The following PIGZ variants were observed in gnomAD, a reference collection of about 807,000 sequenced individuals.
PIGZ encodes phosphatidylinositol glycan anchor biosynthesis class Z (Gwada blood group), also known as GPI alpha-1,2-mannosyltransferase 4.
In PIGZ, 16 loss-of-function variants were observed where a neutral mutation model predicts 16.4. The ratio of observed to expected loss-of-function variants is 0.97; its 90% CI spans 0.66 to 1.48. PIGZ has a LOEUF of 1.48. Among genes scored for constraint, PIGZ ranks in the 40% most tolerant of loss-of-function variants. The probability of loss-of-function intolerance (pLI) is 0.00; values close to 1 mark genes in which losing one functional copy is unlikely to be tolerated. For missense variants in PIGZ, 770 were observed against 739.2 expected, an observed-to-expected ratio of 1.04 and a Z score of -0.48; for synonymous variants, 409 against 338.4, an observed-to-expected ratio of 1.21 and a Z score of -2.29.
chr3:196,952,823 A>T (rs1211466392), intron 1 of PIGZ, among the ~76,000 whole-genome samples: 1 of 152,086 alleles, frequency 6.6e-6, no homozygotes, highest in South Asian at 2.1e-4. Flanking sequence ...TCTGAATAAA[A>T]CAGAAAGGTG....
chr3:196,947,932 C>T lies in PIGZ; in HGVS notation c.965G>A (p.Gly322Asp), dbSNP rs1332532763. The T allele has an allele frequency of 6.2e-6, 10 of 1,613,688 alleles. No individual in the cohort carries two copies. Among genetic ancestry groups the T allele is most frequent in the Non-Finnish European group, 8.5e-6 (10 of 1,179,816 alleles). ...ATGCAGCACCCCGAAGAGCAGGAAG[C>T]CGTTGACTGCCAGGTGAGTGAGCCG... is the stretch of plus-strand genomic sequence containing the variant. Reference protein sequence around the residue: ...HARLTHLAVNGFLLFGVLHAQ... With the variant: ...HARLTHLAVNDFLLFGVLHAQ... Residue 322 changes from glycine to aspartate, a missense_variant, in exon 3 of 3, where the codon GGC (glycine) becomes GAC (aspartate). Gly to Asp is a moderately conservative substitution (Grantham distance 94). Transcript: ENST00000412723.
chr3:196,951,855 T>C lies in PIGZ; in HGVS notation c.177A>G (p.Pro59=), dbSNP rs1717297447. Residue 59 remains proline, a synonymous_variant, in exon 2 of 3, where the codon CCA becomes CCG. Transcript: ENST00000412723. ...CCTCAGGGGACTGGAAGAACTCATC[T>C]GGGTGCACATAGCCCGTCTGCGGAA... ...CLLPQTGYVH[P]DEFFQSPEVM... The C allele has an allele frequency of 6.2e-7, 1 of 1,614,210 alleles. No individual in the cohort carries two copies. The highest frequency in any genetic ancestry group is 8.5e-7 in the Non-Finnish European group (1 of 1,180,040).
At chr3:196,964,031 CTTTTAT>C (rs1433120965) in intron 1 of PIGZ, among the ~76,000 whole-genome samples, 2 of 141,570 alleles carry the variant, frequency 1.4e-5, no homozygotes, top group Non-Finnish European at 3.0e-5. Flanking sequence ...TATTTGTTTG[CTTTTAT>C]TTTTATTTTT....
At position 196,947,585 on chromosome 3, in the gene PIGZ, C is replaced by CA; in HGVS notation, c.1311dup (p.Gly438TrpfsTer54). The CA allele has an allele frequency of 6.2e-7, 1 of 1,613,772 alleles. No individual in the cohort carries two copies. Among genetic ancestry groups the CA allele is most frequent in the South Asian group, 1.1e-5 (1 of 91,058 alleles). ...ACCACCTGCTCCAGGTACTCCAGGC[C>CA]AGGCACCAGGCCCCCCTGATGCAGG... On this transcript the variant is annotated frameshift_variant, in exon 3 of 3. Transcript: ENST00000412723. LOFTEE classifies it high-confidence loss of function.
intron 2 of PIGZ, among the ~76,000 whole-genome samples, chr3:196,950,370 C>T (rs1419509179): frequency 8.5e-5 from 13 of 152,242 alleles, no homozygotes; most frequent in Admixed American, 7.8e-4. Flanking sequence ...TTCTGTAACC[C>T]TGTGCCCCAA....
rs1717032209 is a variant in PIGZ at position 196,948,398 on chromosome 3, CG to C, written c.498del (p.Tyr166Ter). 3 of 1,614,104 alleles carry C rather than the reference CG, an allele frequency of 1.9e-6. No homozygotes were observed. In the East Asian group the frequency reaches 6.7e-5, roughly 36 times the overall value. Reference protein sequence around the residue: ...WNALALLSGSYVTLVFYTRTF... With the variant: ...WNALALLSGSXVTLVFYTRTF... ...GTCCTTGTGTAGAAGACCAGGGTGA[CG>C]TAGGAACCAGACAGCAGGGCCAGGG... On this transcript the variant is annotated frameshift_variant, in exon 3 of 3. Transcript: ENST00000412723. LOFTEE classifies it low-confidence loss of function (END_TRUNC).
At chr3:196,964,359 AT>A (rs1005066958) in intron 1 of PIGZ, among the ~76,000 whole-genome samples, 1 of 149,488 alleles carries the variant, frequency 6.7e-6, no homozygotes, top group African/African-American at 2.5e-5. Context: ...TAGCACTACC[AT>A]TTTTTTTTAA....
At chr3:196,950,852 C>T (rs920243341) in intron 2 of PIGZ, among the ~76,000 whole-genome samples, 3 of 151,524 alleles carry the variant, frequency 2.0e-5, no homozygotes, top group African/African-American at 7.3e-5. Context: ...TCAAGCAATT[C>T]TCCTGCCTCA....
At chr3:196,962,627 G>A (rs992056727) in intron 1 of PIGZ, among the ~76,000 whole-genome samples, 7 of 151,012 alleles carry the variant, frequency 4.6e-5, no homozygotes, top group African/African-American at 1.7e-4. Context: ...ATGGCTGGAG[G>A]TGAGACATGC....
rs1332213608 is a variant in PIGZ, at chr3:196,947,754, T to G, written c.1143A>C (p.Leu381=). 1 of 1,612,324 alleles carries G rather than the reference T, an allele frequency of 6.2e-7. No homozygotes were observed. The highest frequency in any genetic ancestry group is 1.7e-5 in the Admixed American group (1 of 59,818). The change falls in exon 3 of 3, where the codon CTA becomes CTC. Residue 381 remains leucine, a synonymous_variant. Coordinates refer to ENST00000412723, the MANE Select transcript of PIGZ (RefSeq NM_025163.4). ...LLLYFMPLAL[L]SAFSHQEARF... is the part of the protein sequence containing the mutation. The stretch of plus-strand genomic sequence containing the variant: ...GAGCCTCCTGGTGGCTAAAGGCAGA[T>G]AGCAGGGCCAGAGGCATGAAGTAGA...
Position 196,952,012 on chromosome 3 carries a change from C to T in PIGZ, c.20G>A (p.Ser7Asn). 1 of 1,614,070 alleles carries T rather than the reference C, an allele frequency of 6.2e-7. No homozygotes were observed. The highest frequency in any genetic ancestry group is 8.5e-7 in the Non-Finnish European group (1 of 1,180,000). ...TGTCCCAGCTGCTACAGATGCTACG[C>T]TGGATCCACAGATCTGCATCTGTTG... MQICGS[S>N]VASVAAGTSF... Residue 7 changes from serine to asparagine, a missense_variant, in exon 2 of 3, where the codon AGC (serine) becomes AAC (asparagine). Ser to Asn is a conservative substitution (Grantham distance 46, BLOSUM62 1). Coordinates refer to ENST00000412723, the MANE Select transcript of PIGZ (RefSeq NM_025163.4).
In PIGZ at chr3:196,947,598, C is replaced by T. The variant is rs768845839; in HGVS notation, c.1299G>A (p.Gly433=). Residue 433 remains glycine (G), a synonymous_variant, in exon 3 of 3, where the codon GGG becomes GGA. Transcript: ENST00000412723. The part of the protein sequence containing the change: ...GALLFGCLHQ[G]GLVPGLEYLE... ...GGTACTCCAGGCCAGGCACCAGGCCCCCCTGATGCAGGCAGCCGAAGAGGA... is the reference window on the plus strand; with the variant it reads ...GGTACTCCAGGCCAGGCACCAGGCCTCCCTGATGCAGGCAGCCGAAGAGGA... The T allele has an allele frequency of 1.8e-5, 29 of 1,613,598 alleles. No homozygotes were observed. Among genetic ancestry groups the T allele is most frequent in the Non-Finnish European group, 2.3e-5 (27 of 1,179,828 alleles).
rs145731416 is a variant in PIGZ, at chr3:196,952,400, G to A, written c.1-369C>T. Among the ~76,000 whole-genome samples, 182 of 152,260 alleles carry A rather than the reference G, an allele frequency of 1.2e-3. 2 individuals are homozygous for A. The highest frequency in any genetic ancestry group is 4.6e-4 in the Non-Finnish European group (31 of 68,012). On this transcript the variant is annotated intron_variant, in intron 1 of 2. Coordinates refer to ENST00000412723, the MANE Select transcript of PIGZ (RefSeq NM_025163.4). The stretch of plus-strand genomic sequence containing the variant: ...ACATTATTTCTGGCAGTGTCTATAA[G>A]GGTATTTCAGGGAGAGATTAGCCTT...
intron 2 of PIGZ, among the ~76,000 whole-genome samples, chr3:196,949,729 TC>T (rs1717185908): frequency 6.6e-6 from 1 of 151,944 alleles, no homozygotes; most frequent in Non-Finnish European, 1.5e-5. Context: ...AGGAGGGGCT[TC>T]CCCGGGAGAT....
chr3:196,948,718 A>G, intron 2 of PIGZ, 33 bp from the exon 3 acceptor site: 2 of 1,428,032 alleles, frequency 1.4e-6, no homozygotes, highest in Non-Finnish European at 1.8e-6. Context: ...GCCAGTACCA[A>G]GCTCAGGGAT....
chr3:196,963,812 T>G (rs1717813269), intron 1 of PIGZ, among the ~76,000 whole-genome samples: 1 of 152,200 alleles, frequency 6.6e-6, no homozygotes, highest in African/African-American at 2.4e-5. Flanking sequence ...AGGCCATTTG[T>G]TCTTAGGCTT....
Position 196,952,032 on chromosome 3 carries a change from C to T in PIGZ, c.1-1G>A, listed in dbSNP as rs774706132. On this transcript the variant is annotated splice_acceptor_variant, in intron 1 of 2. Coordinates refer to ENST00000412723, the MANE Select transcript of PIGZ (RefSeq NM_025163.4). LOFTEE classifies it low-confidence loss of function (5UTR_SPLICE). ...CTACGCTGGATCCACAGATCTGCAT[C>T]TGTTGAGGATAACAGTTGTTGGTTA... The T allele has an allele frequency of 1.2e-6, 2 of 1,613,330 alleles. No individual in the cohort carries two copies. The highest frequency in any genetic ancestry group is 1.7e-6 in the Non-Finnish European group (2 of 1,179,648).
chr3:196,957,199 GTGTA>G, intron 1 of PIGZ, among the ~76,000 whole-genome samples: 1 of 149,856 alleles, frequency 6.7e-6, no homozygotes, highest in South Asian at 2.1e-4. Context: ...GTGTGTGTGT[GTGTA>G]TGTGTTTATC....
In PIGZ at chr3:196,948,184, AG is replaced by A. The variant is rs1192504402; in HGVS notation, c.712del (p.Leu238SerfsTer14). On this transcript the variant is annotated frameshift_variant, in exon 3 of 3. Coordinates refer to ENST00000412723, the MANE Select transcript of PIGZ (RefSeq NM_025163.4). LOFTEE classifies it low-confidence loss of function (END_TRUNC). ...PTFLAFAVVPLYLWGTRGATN... is the reference protein window; with the variant it reads ...PTFLAFAVVPXYLWGTRGATN... The stretch of plus-strand genomic sequence containing the variant: ...GGCTCCACGAGTGCCCCAGAGGTAG[AG>A]GGGGACCACAGCAAAGGCCAGAAAG... The A allele has an allele frequency of 6.2e-7, 1 of 1,614,072 alleles. No homozygotes were observed. The highest frequency in any genetic ancestry group is 2.2e-5 in the East Asian group (1 of 44,874).
Sources: gnomAD v4.1 joint callset for allele counts (sites outside exome capture counted in the v4.1 genomes callset) on GRCh38, gnomAD v4.1.1 for gene constraint, MANE v1.5 for transcripts, NCBI Gene and HGNC (gene_info 2026-07-23, HGNC 2026-07-21) for gene names.